The following PRKG1 variants were observed in gnomAD, a reference collection of about 807,000 sequenced individuals.
PRKG1 encodes the protein protein kinase cGMP-dependent 1.
A neutral mutation model predicts 88.1 loss-of-function variants in PRKG1; 35 were observed. The observed-to-expected ratio is 0.40, with a 90% CI of 0.30 to 0.53. The LOEUF (loss-of-function observed/expected upper bound fraction) is 0.53, where lower values mean the gene tolerates loss of function less well. Ranked by LOEUF, PRKG1 falls within the 20% of genes least tolerant of loss-of-function variation. The pLI is 0.59. For synonymous variants in PRKG1, 303 were observed against 292.5 expected (o/e 1.04, Z -0.37); for missense variants, 540 against 839.8 (o/e 0.64, Z 4.41).
chr10:52,286,735 T>C (rs142831762), intron 14 of PRKG1, among the ~76,000 whole-genome samples: 1,646 of 152,056 alleles, frequency 0.011, 31 homozygotes, highest in African/African-American at 0.038. Flanking sequence ...CAGTTTGATT[T>C]TTTTTTTAAT....
chr10:52,297,597 C>T lies in PRKG1; in HGVS notation c.*3697C>T, dbSNP rs950963724. 2.0e-5 allele frequency: 3 copies of T among 152,110 alleles called. No individual in the cohort carries two copies. The highest frequency in any genetic ancestry group is 4.4e-5 in the Non-Finnish European group (3 of 68,016). 9.4% of individuals were successfully genotyped at this position (152,110 alleles called of 1,614,324 possible). On this transcript the variant is annotated 3_prime_UTR_variant, in exon 18 of 18. Coordinates refer to ENST00000373980, the MANE Select transcript of PRKG1 (RefSeq NM_006258.4). ...CTGTTAATGAGATACAGCGTCATTTCTGTGAAATGTATAAATGTATGTGCA... is the reference window on the plus strand; with the variant it reads ...CTGTTAATGAGATACAGCGTCATTTTTGTGAAATGTATAAATGTATGTGCA...
At chr10:51,903,288 T>C (rs1842019666) in intron 4 of PRKG1, among the ~76,000 whole-genome samples, 1 of 152,096 alleles carries the variant, frequency 6.6e-6, no homozygotes, top group Non-Finnish European at 1.5e-5. Context: ...AAACAATTGA[T>C]AAAGACACTT....
chr10:52,136,924 A>G (rs1837439950), intron 8 of PRKG1, among the ~76,000 whole-genome samples: 1 of 152,088 alleles, frequency 6.6e-6, no homozygotes, highest in Non-Finnish European at 1.5e-5. Context: ...CAAAAAGTGC[A>G]TTTGTATACT....
chr10:51,869,056 G>C (rs1447036744), intron 4 of PRKG1, among the ~76,000 whole-genome samples: 1 of 152,110 alleles, frequency 6.6e-6, no homozygotes, highest in Admixed American at 6.6e-5. Flanking sequence ...TTTACGGACT[G>C]ATTGTTTTCA....
intron 10 of PRKG1, among the ~76,000 whole-genome samples, chr10:52,261,861 C>T (rs891634454): frequency 1.3e-5 from 2 of 152,076 alleles, no homozygotes; most frequent in African/African-American, 4.8e-5. Flanking sequence ...GTGAATCCAA[C>T]ACTGATTTGT....
intron 3 of PRKG1, among the ~76,000 whole-genome samples, chr10:51,484,513 G>A (rs1476476358): frequency 1.3e-5 from 2 of 152,114 alleles, no homozygotes; most frequent in African/African-American, 4.8e-5. Context: ...CTAGGCTCAA[G>A]CGATCCACTT....
At chr10:51,657,252 T>C (rs530344882) in intron 3 of PRKG1, among the ~76,000 whole-genome samples, 5 of 152,240 alleles carry the variant, frequency 3.3e-5, no homozygotes, top group East Asian at 3.9e-4. Flanking sequence ...CTCTCATTTA[T>C]ATGGTTTTTT....
chr10:51,980,372 AT>A (rs1192787812), intron 5 of PRKG1, among the ~76,000 whole-genome samples: 5 of 152,018 alleles, frequency 3.3e-5, no homozygotes, highest in African/African-American at 1.2e-4. Flanking sequence ...GTTCTTTTGC[AT>A]TTGCTGAGGA....
chr10:51,520,877 T>C (rs1281162279), intron 3 of PRKG1, among the ~76,000 whole-genome samples: 2 of 152,212 alleles, frequency 1.3e-5, no homozygotes, highest in East Asian at 1.9e-4. Context: ...AAACATGCAG[T>C]CTTCTTTAGA....
At chr10:51,007,295 C>G (rs1842951435) in intron 1 of PRKG1, among the ~76,000 whole-genome samples, 1 of 152,182 alleles carries the variant, frequency 6.6e-6, no homozygotes, top group Non-Finnish European at 1.5e-5. Flanking sequence ...CCTGATGCTG[C>G]TGGTCTCCTG....
chr10:52,280,230 T>G (rs1440699271), intron 12 of PRKG1, among the ~76,000 whole-genome samples: 1 of 152,192 alleles, frequency 6.6e-6, no homozygotes, highest in Admixed American at 6.6e-5. Context: ...AGAAGAGTAC[T>G]TAGCTTGCAT....
intron 3 of PRKG1, among the ~76,000 whole-genome samples, chr10:51,551,064 A>G (rs1683932679): frequency 6.6e-6 from 1 of 151,898 alleles, no homozygotes; most frequent in Admixed American, 6.6e-5. Flanking sequence ...AGTGGCCCTT[A>G]TAACTTGAAT....
At chr10:51,497,954 A>G (rs1840909243) in intron 3 of PRKG1, among the ~76,000 whole-genome samples, 1 of 152,104 alleles carries the variant, frequency 6.6e-6, no homozygotes, top group African/African-American at 2.4e-5. Context: ...AGTATCTACT[A>G]ATATGTATTA....
At position 51,827,328 on chromosome 10, in the gene PRKG1, ATAAT is replaced by A. The variant is rs554382787; in HGVS notation, c.698+22642_698+22645del. 4.3e-3 allele frequency among the ~76,000 whole-genome samples: 653 copies of A among 152,092 alleles called. 4 individuals are homozygous for A. The highest frequency in any genetic ancestry group is 0.015 in the African/African-American group (623 of 41,388). ...TTTTGGCTAATTTTTATTCATGAAGATAATTAAACTGAAAATAATATCTAGATTT... is the reference window on the plus strand; with the variant it reads ...TTTTGGCTAATTTTTATTCATGAAGATAAACTGAAAATAATATCTAGATTT... On this transcript the variant is annotated intron_variant, in intron 4 of 17. Transcript: ENST00000373980.
At chr10:52,274,793 C>A (rs558124410) in intron 12 of PRKG1, among the ~76,000 whole-genome samples, 1 of 152,070 alleles carries the variant, frequency 6.6e-6, no homozygotes, top group African/African-American at 2.4e-5. Context: ...TTTACATTCC[C>A]TCCAGTAGTG....
intron 9 of PRKG1, among the ~76,000 whole-genome samples, chr10:52,203,657 T>A (rs1839734301): frequency 6.6e-6 from 1 of 152,250 alleles, no homozygotes; most frequent in African/African-American, 2.4e-5. Context: ...TGTTTCTTTG[T>A]AGGTCTCTAA....
intron 5 of PRKG1, among the ~76,000 whole-genome samples, chr10:51,934,769 G>A (rs1362437304): frequency 6.6e-6 from 1 of 152,180 alleles, no homozygotes; most frequent in Non-Finnish European, 1.5e-5. Context: ...GATTGCTTCA[G>A]TATTTTTAGT....
intron 7 of PRKG1, among the ~76,000 whole-genome samples, chr10:52,069,138 T>G: frequency 6.6e-6 from 1 of 152,370 alleles, no homozygotes; most frequent in Non-Finnish European, 1.5e-5. Context: ...TCCTTATTTG[T>G]TTTCACTTCA....
intron 1 of PRKG1, among the ~76,000 whole-genome samples, chr10:51,021,065 A>G (rs1429501756): frequency 2.6e-5 from 4 of 152,080 alleles, no homozygotes; most frequent in Admixed American, 2.6e-4. Flanking sequence ...TGTTTATGTA[A>G]GTTAAAACAG....
Sources: gnomAD v4.1 joint callset for allele counts (sites outside exome capture counted in the v4.1 genomes callset) on GRCh38, gnomAD v4.1.1 for gene constraint, MANE v1.5 for transcripts, NCBI Gene and HGNC (gene_info 2026-07-23, HGNC 2026-07-21) for gene names.